Variants in CNTLN observed in about 807,000 individuals in gnomAD.
CNTLN encodes the protein centlein, also known as centlein, centrosomal protein.
Under a neutral mutation model 180.0 loss-of-function variants are expected in CNTLN, and 212 were observed. The observed-to-expected ratio is 1.18, with a 90% confidence interval of 1.05 to 1.32. CNTLN has a LOEUF of 1.32. Among genes scored for constraint, CNTLN ranks in the 40% most tolerant of loss-of-function variants. The pLI, the probability that CNTLN is intolerant of heterozygous loss-of-function variation, is 0.00. For synonymous variants in CNTLN, 722 were observed against 563.1 expected, an observed-to-expected ratio of 1.28 and a Z score of -3.99; for missense variants, 2,095 against 1,610.9, an observed-to-expected ratio of 1.30 and a Z score of -5.14.
intron 23 of CNTLN, among the ~76,000 whole-genome samples, chr9:17,475,622 T>C (rs971515115): frequency 4.0e-5 from 6 of 151,814 alleles, no homozygotes; most frequent in South Asian, 4.2e-4. Context: ...TCTGTAATCC[T>C]AGCACTTCGG....
rs887525564 is a variant in CNTLN at position 17,173,541 on chromosome 9, C to G, written c.449+30165C>G. On this transcript the variant is annotated intron_variant, in intron 2 of 25. Transcript: ENST00000380647. Reference sequence around the variant, plus strand: ...ACTCTTGAGCTCATAAGGGTTAATCCGTGGCTGAAATTATGGTATTAAAAG... The same window carrying G: ...ACTCTTGAGCTCATAAGGGTTAATCGGTGGCTGAAATTATGGTATTAAAAG... Among the ~76,000 whole-genome samples, 3 of 152,128 alleles carry G rather than the reference C, an allele frequency of 2.0e-5. No individual in the cohort carries two copies. In the East Asian group the frequency reaches 5.8e-4, roughly 29 times the overall value.
chr9:17,235,101 T>C (rs1825056056), intron 3 of CNTLN, among the ~76,000 whole-genome samples: 1 of 152,146 alleles, frequency 6.6e-6, no homozygotes, highest in Non-Finnish European at 1.5e-5. Context: ...TACATCCACC[T>C]CGTAGGTGTA....
At chr9:17,355,346 A>C (rs115781768) in intron 12 of CNTLN, among the ~76,000 whole-genome samples, 2,135 of 152,192 alleles carry the variant, frequency 0.014, 52 homozygotes, top group African/African-American at 0.049. Flanking sequence ...CATATTCTAG[A>C]TGTTAGACAT....
chr9:17,355,094 C>T (rs1822725451), intron 12 of CNTLN, among the ~76,000 whole-genome samples: 1 of 152,026 alleles, frequency 6.6e-6, no homozygotes, highest in East Asian at 1.9e-4. Flanking sequence ...AGACGCGCCA[C>T]TTTAAGAGCT....
chr9:17,489,401 A>AT (rs902558561), intron 25 of CNTLN, among the ~76,000 whole-genome samples: 2 of 151,960 alleles, frequency 1.3e-5, no homozygotes, highest in Non-Finnish European at 2.9e-5. Context: ...TCCAATGTTG[A>AT]TTTTTTTATT....
chr9:17,317,249 C>T (rs569672798), intron 8 of CNTLN, among the ~76,000 whole-genome samples: 159 of 152,054 alleles, frequency 1.0e-3, no homozygotes, highest in South Asian at 1.7e-3. Context: ...AGTGAGGTGA[C>T]CTCAAAATAC....
intron 14 of CNTLN, among the ~76,000 whole-genome samples, chr9:17,392,488 T>C (rs542244694): frequency 6.6e-6 from 1 of 152,320 alleles, no homozygotes; most frequent in South Asian, 2.1e-4. Flanking sequence ...TTGAACACTG[T>C]ATTTTTTGTC....
intron 5 of CNTLN, among the ~76,000 whole-genome samples, chr9:17,272,115 T>G: frequency 7.8e-6 from 1 of 128,714 alleles, no homozygotes; most frequent in Non-Finnish European, 1.6e-5. Context: ...CCTCCCTCCC[T>G]TCCTTCCTTT....
At chr9:17,306,684 A>AT (rs1818739795) in intron 7 of CNTLN, among the ~76,000 whole-genome samples, 1 of 152,200 alleles carries the variant, frequency 6.6e-6, no homozygotes, top group South Asian at 2.1e-4. Flanking sequence ...GATAGAAGGT[A>AT]TGTAGTTTTC....
In CNTLN at chr9:17,432,855, A is replaced by G. The variant is rs572093545; in HGVS notation, c.3114+16666A>G. Among the ~76,000 whole-genome samples, 15 of 151,986 alleles carry G rather than the reference A, an allele frequency of 9.9e-5. No homozygotes were observed. The East Asian group carries it at 2.9e-3, about 30-fold the overall frequency. ...ACCAACATAGCAAAACCCCGTCCCT[A>G]CTAAAAATACAAACAATTAGCCGGG... On this transcript the variant is annotated intron_variant, in intron 18 of 25. Transcript: ENST00000380647.
At position 17,309,227 on chromosome 9, in the gene CNTLN, A is replaced by C. The variant is rs771823199; in HGVS notation, c.1316A>C (p.Glu439Ala). 6.2e-7 allele frequency: 1 copy of C among 1,600,580 alleles called. No homozygotes were observed. The highest frequency in any genetic ancestry group is 1.7e-5 in the Admixed American group (1 of 58,054). The change falls in exon 8 of 26, where the codon GAA becomes GCA. Residue 439 changes from glutamate to alanine, a missense_variant. Physicochemically the swap from Glu to Ala is moderately radical, Grantham distance 107. Coordinates refer to ENST00000380647, the MANE Select transcript of CNTLN (RefSeq NM_017738.4). ...GGAGCACCTCTTCCTTTACCTCAAG[A>C]AAGTGATCCAGACTACTCAGCACAG... The part of the protein sequence containing the change: ...SQGAPLPLPQ[E>A]SDPDYSAQVP...
chr9:17,421,237 A>G (rs1416676379), intron 18 of CNTLN, among the ~76,000 whole-genome samples: 1 of 152,108 alleles, frequency 6.6e-6, no homozygotes, highest in Non-Finnish European at 1.5e-5. Context: ...TGCTTTTTAT[A>G]TCTGAGTACT....
the CNTLN span, among the ~76,000 whole-genome samples, chr9:17,522,797 T>G: frequency 6.6e-6 from 1 of 152,192 alleles, no homozygotes; most frequent in Admixed American, 6.5e-5. Flanking sequence ...CCCAAGCGTG[T>G]ATCCAACGCT....
chr9:17,375,939 C>T (rs1824723026), intron 13 of CNTLN, among the ~76,000 whole-genome samples: 1 of 152,094 alleles, frequency 6.6e-6, no homozygotes, highest in Non-Finnish European at 1.5e-5. Flanking sequence ...GTTGTTTAAC[C>T]TGCTACATTC....
intron 2 of CNTLN, among the ~76,000 whole-genome samples, chr9:17,159,060 G>T (rs1819496897): frequency 6.6e-6 from 1 of 152,112 alleles, no homozygotes; most frequent in African/African-American, 2.4e-5. Flanking sequence ...ATCTCAGAGT[G>T]ATGTCCTCTT....
At position 17,466,768 on chromosome 9, in the gene CNTLN, T is replaced by G. The variant is rs1831774742; in HGVS notation, c.3732T>G (p.Ile1244Met). ...AGACTGAATCTGCAATGGCAGAAAT[T>G]GAAACAGCAGCATCTAAGCAGCTTC... is the stretch of plus-strand genomic sequence containing the variant. ...ISETESAMAEIETAASKQLQE... is the reference protein window; with the variant it reads ...ISETESAMAEMETAASKQLQE... Residue 1244 changes from isoleucine to methionine, a missense_variant, in exon 23 of 26, where the codon ATT (isoleucine) becomes ATG (methionine). Transcript: ENST00000380647. 3 of 1,610,740 alleles carry G rather than the reference T, an allele frequency of 1.9e-6. No individual in the cohort carries two copies. Among genetic ancestry groups the G allele is most frequent in the Admixed American group, 1.7e-5 (1 of 59,692 alleles).
chr9:17,422,411 T>G (rs946063114), intron 18 of CNTLN, among the ~76,000 whole-genome samples: 1 of 152,172 alleles, frequency 6.6e-6, no homozygotes, highest in Non-Finnish European at 1.5e-5. Context: ...CTCTGATACG[T>G]GAATTATTCT....
At chr9:17,443,952 T>C (rs1452321760) in intron 18 of CNTLN, among the ~76,000 whole-genome samples, 1 of 152,152 alleles carries the variant, frequency 6.6e-6, no homozygotes. Flanking sequence ...TGGTCAACAG[T>C]GTCAGATCCC....
intron 5 of CNTLN, among the ~76,000 whole-genome samples, chr9:17,254,653 ATATCTGTATGTCAGTACAATACTGTT>A (rs1282250492): frequency 6.6e-6 from 1 of 151,522 alleles, no homozygotes; most frequent in Non-Finnish European, 1.5e-5. Flanking sequence ...ATTGGTCTGT[ATATCTGTATGTCAGTACAATACTGTT>A]TTCATTACTG....
Sources: allele counts gnomAD v4.1 joint callset (sites outside exome capture counted in the v4.1 genomes callset), GRCh38; gene constraint gnomAD v4.1.1; transcripts MANE v1.5; gene names NCBI Gene and HGNC (gene_info 2026-07-23, HGNC 2026-07-21).